The following PAWR variants were observed in gnomAD, a reference collection of about 807,000 sequenced individuals.
PAWR encodes the protein pro-apoptotic WT1 regulator.
In PAWR, 23 loss-of-function variants were observed where a neutral mutation model predicts 32.0. The ratio of observed to expected loss-of-function variants is 0.72; its 90% CI spans 0.52 to 1.02. PAWR has a LOEUF of 1.02. Ranked by LOEUF, PAWR falls within the 50% of genes least tolerant of loss-of-function variation. The pLI, the probability that PAWR is intolerant of heterozygous loss-of-function variation, is 0.00. For missense variants in PAWR, 457 were observed against 437.7 expected (o/e 1.04, Z -0.39); for synonymous variants, 226 against 187.1 (o/e 1.21, Z -1.70).
intron 2 of PAWR, 116 bp from the exon 3 acceptor site, chr12:79,621,323 C>A: frequency 1.3e-6 from 1 of 766,414 alleles, no homozygotes; most frequent in Non-Finnish European, 2.0e-6. Flanking sequence ...AATTAGTTTG[C>A]ATAATAAAAG....
At chr12:79,632,330 TATATATATATATATATATATATATA>T (rs1875707872) in intron 2 of PAWR, among the ~76,000 whole-genome samples, 1 of 46,544 alleles carries the variant, frequency 2.1e-5, no homozygotes, top group African/African-American at 3.0e-4. Context: ...TATATATATA[TATATATATATATATATATATATATA>T]TATATATTTT....
chr12:79,636,757 A>G (rs1427612820), intron 2 of PAWR, among the ~76,000 whole-genome samples: 2 of 152,146 alleles, frequency 1.3e-5, no homozygotes, highest in Non-Finnish European at 2.9e-5. Context: ...AATCCTTTAC[A>G]TAATACTGAC....
At chr12:79,610,492 C>T (rs1874383005) in intron 4 of PAWR, among the ~76,000 whole-genome samples, 1 of 152,004 alleles carries the variant, frequency 6.6e-6, no homozygotes, top group Admixed American at 6.6e-5. Flanking sequence ...TTACGGGTTA[C>T]CAAAGCAGTG....
chr12:79,675,241 G>A (rs924342278), intron 2 of PAWR, among the ~76,000 whole-genome samples: 9 of 152,048 alleles, frequency 5.9e-5, no homozygotes, highest in South Asian at 2.1e-4. Flanking sequence ...TTAGCTGGGC[G>A]TGGTGCCGCA....
intron 2 of PAWR, among the ~76,000 whole-genome samples, chr12:79,631,066 A>G (rs987123518): frequency 6.6e-6 from 1 of 152,196 alleles, no homozygotes; most frequent in Non-Finnish European, 1.5e-5. Flanking sequence ...AGAAAAATAT[A>G]TAATCACCAA....
rs1297162011 is a variant in PAWR, at chr12:79,584,939, A to G, written c.*7668T>C. ...AGTCTTAAAAGTTTGATGAAAGCGC[A>G]TTATTGTTACCAAAAGTCTTCAGGC... On this transcript the variant is annotated 3_prime_UTR_variant, in exon 7 of 7. Coordinates refer to ENST00000328827, the MANE Select transcript of PAWR (RefSeq NM_002583.4). 1 of 206,176 alleles carries G rather than the reference A, an allele frequency of 4.9e-6. No individual in the cohort carries two copies. Among genetic ancestry groups the G allele is most frequent in the Non-Finnish European group, 9.9e-6 (1 of 100,984 alleles). 12.8% of individuals were successfully genotyped at this position (206,176 alleles called of 1,614,324 possible).
chr12:79,637,940 AC>A (rs1199065990), intron 2 of PAWR, among the ~76,000 whole-genome samples: 3 of 152,150 alleles, frequency 2.0e-5, no homozygotes, highest in African/African-American at 7.2e-5. Flanking sequence ...AAGTGTACTT[AC>A]ATCATCTCTT....
At chr12:79,639,066 C>T (rs1297404686) in intron 2 of PAWR, among the ~76,000 whole-genome samples, 3 of 149,674 alleles carry the variant, frequency 2.0e-5, no homozygotes, top group African/African-American at 7.4e-5. Context: ...GCGCATGCCA[C>T]CACGCACAGC....
chr12:79,652,187 T>C (rs1379010251), intron 2 of PAWR, among the ~76,000 whole-genome samples: 4 of 152,202 alleles, frequency 2.6e-5, no homozygotes, highest in Non-Finnish European at 5.9e-5. Flanking sequence ...TACAAAACAA[T>C]GTAAATATAC....
intron 3 of PAWR, among the ~76,000 whole-genome samples, chr12:79,614,906 T>C (rs1342108864): frequency 1.3e-5 from 2 of 152,210 alleles, no homozygotes; most frequent in African/African-American, 2.4e-5. Context: ...GCTAGGAGAC[T>C]AGGAGACTAT....
At chr12:79,644,295 T>C (rs898640538) in intron 2 of PAWR, among the ~76,000 whole-genome samples, 1 of 152,182 alleles carries the variant, frequency 6.6e-6, no homozygotes, top group Non-Finnish European at 1.5e-5. Context: ...AACTTTGACA[T>C]TTACTGAAAA....
intron 2 of PAWR, among the ~76,000 whole-genome samples, chr12:79,634,059 C>T (rs1592518171): frequency 2.0e-5 from 3 of 152,196 alleles, no homozygotes; most frequent in African/African-American, 7.2e-5. Flanking sequence ...CTCCTTACAT[C>T]TGTATATGAT....
intron 3 of PAWR, among the ~76,000 whole-genome samples, chr12:79,613,937 A>T (rs1874559638): frequency 6.4e-4 from 2 of 3,132 alleles, no homozygotes; most frequent in Non-Finnish European, 1.4e-3. Flanking sequence ...ACCATTATAT[A>T]TATATATATA....
At position 79,594,196 on chromosome 12, in the gene PAWR, C is replaced by T. The variant is rs989017758; in HGVS notation, c.936+133G>A. ...ATCAGTTTTTGGAAGAAAATGATACCTCTTACTAATTATTATTTCACTAAC... is the reference window on the plus strand; with the variant it reads ...ATCAGTTTTTGGAAGAAAATGATACTTCTTACTAATTATTATTTCACTAAC... On this transcript the variant is annotated intron_variant, in intron 6 of 6. Coordinates refer to ENST00000328827, the MANE Select transcript of PAWR (RefSeq NM_002583.4). The T allele has an allele frequency of 5.4e-5, 29 of 534,352 alleles. No homozygotes were observed. In the African/African-American group the frequency reaches 5.6e-4, roughly 10 times the overall value. 33.1% of individuals were successfully genotyped at this position (534,352 alleles called of 1,614,324 possible).
chr12:79,594,345 A>G lies in PAWR; in HGVS notation c.920T>C (p.Ile307Thr). ...AATACTTACTCTATTTAATAAATCA[A>G]TTTCTTCTTTGAGTTTTCCAATCAT... Reference protein sequence around the residue: ...EEMIGKLKEEIDLLNRDLDDI... With the variant: ...EEMIGKLKEETDLLNRDLDDI... The change falls in exon 6 of 7, where the codon ATT (isoleucine) becomes ACT (threonine). Residue 307 changes from isoleucine to threonine, a missense_variant. Physicochemically the swap from Ile to Thr is moderately conservative, Grantham distance 89. Coordinates refer to ENST00000328827, the MANE Select transcript of PAWR (RefSeq NM_002583.4). The G allele has an allele frequency of 6.7e-7, 1 of 1,496,614 alleles. No homozygotes were observed. Among genetic ancestry groups the G allele is most frequent in the Non-Finnish European group, 9.2e-7 (1 of 1,084,842 alleles). The allele number at this position is 1,496,614 out of a possible 1,614,324, so 92.7% of individuals were successfully genotyped here.
intron 4 of PAWR, among the ~76,000 whole-genome samples, chr12:79,607,241 C>G (rs545754576): frequency 6.6e-6 from 1 of 151,988 alleles, no homozygotes; most frequent in South Asian, 2.1e-4. Flanking sequence ...CTGGCCAACA[C>G]AGTGAAACCC....
At chr12:79,654,885 G>A (rs1877023148) in intron 2 of PAWR, among the ~76,000 whole-genome samples, 1 of 152,090 alleles carries the variant, frequency 6.6e-6, no homozygotes, top group African/African-American at 2.4e-5. Context: ...GATTTGGGTG[G>A]GGACACAGAG....
intron 2 of PAWR, among the ~76,000 whole-genome samples, chr12:79,627,677 C>T (rs1298133977): frequency 6.6e-6 from 1 of 152,100 alleles, no homozygotes; most frequent in Non-Finnish European, 1.5e-5. Context: ...TGCCTATGTC[C>T]TGAACGGTAT....
rs1471639753 is a variant in PAWR at position 79,589,511 on chromosome 12, C to CA, written c.*3095_*3096insT. On this transcript the variant is annotated 3_prime_UTR_variant, in exon 7 of 7. Coordinates refer to ENST00000328827, the MANE Select transcript of PAWR (RefSeq NM_002583.4). The stretch of plus-strand genomic sequence containing the variant: ...ACTACATTGCTCCACATACCTGATA[C>CA]TTAATTTTCTATGTTTGAAACTACT... 6.6e-6 allele frequency: 1 copy of CA among 151,746 alleles called. No individual in the cohort carries two copies. The highest frequency in any genetic ancestry group is 1.5e-5 in the Non-Finnish European group (1 of 67,914). The allele number at this position is 151,746 out of a possible 1,614,324, so 9.4% of individuals were successfully genotyped here. A position where few individuals can be genotyped will look rare whatever the true frequency, so the allele number is the denominator to read the frequency against.
Sources: gnomAD v4.1 joint callset for allele counts (sites outside exome capture counted in the v4.1 genomes callset) on GRCh38, gnomAD v4.1.1 for gene constraint, MANE v1.5 for transcripts, NCBI Gene and HGNC (gene_info 2026-07-23, HGNC 2026-07-21) for gene names.